The following POC1A variants were observed in gnomAD, a reference collection of about 807,000 sequenced individuals.
POC1A encodes POC1 centriolar protein homolog A.
A neutral mutation model predicts 47.8 loss-of-function variants in POC1A; 34 were observed. The observed-to-expected ratio is 0.71, with a 90% CI of 0.54 to 0.95. The LOEUF is 0.95. POC1A is among the 40% of genes least tolerant of loss of function. The pLI is 0.00. For synonymous variants in POC1A, 177 were observed against 207.6 expected (o/e 0.85, Z 1.27); for missense variants, 466 against 528.3 (o/e 0.88, Z 1.16).
chr3:52,105,515 C>T (rs2107013951), intron 9 of POC1A, among the ~76,000 whole-genome samples: 1 of 152,322 alleles, frequency 6.6e-6, no homozygotes, highest in Middle Eastern at 3.4e-3. Flanking sequence ...CTCACGTGGA[C>T]TCAGCCTCAC....
In POC1A at chr3:52,132,875, T is replaced by A. The variant is rs1355154530; in HGVS notation, c.813+5294A>T. Reference sequence around the variant, plus strand: ...GCCTGGCCAACATGGTGAAACCCTGTCTCTACTAAAAACGCAAAAAATTAG... The same window carrying A: ...GCCTGGCCAACATGGTGAAACCCTGACTCTACTAAAAACGCAAAAAATTAG... On this transcript the variant is annotated intron_variant, in intron 7 of 10. Coordinates refer to ENST00000296484, the MANE Select transcript of POC1A (RefSeq NM_015426.5). Among the ~76,000 whole-genome samples, 3 of 151,886 alleles carry A rather than the reference T, an allele frequency of 2.0e-5. No individual in the cohort carries two copies. The South Asian group carries it at 6.2e-4, about 32-fold the overall frequency.
chr3:52,124,466 T>C (rs941692043), intron 8 of POC1A, among the ~76,000 whole-genome samples: 1 of 152,214 alleles, frequency 6.6e-6, no homozygotes, highest in Non-Finnish European at 1.5e-5. Flanking sequence ...CTCTTCACAA[T>C]GTCCTCTCTC....
rs1429388445 is a variant in POC1A at position 52,149,378 on chromosome 3, G to C, written c.287C>G (p.Ser96Cys). Residue 96 changes from serine to cysteine, a missense_variant, in exon 4 of 11, where the codon TCC becomes TGC. Transcript: ENST00000296484. The part of the protein sequence containing the change: ...RIWVPNVKGE[S>C]TVFRAHTATV... ...GGCTGTGTGTGCACGAAACACAGTG[G>C]ACTCACCTTTGCTACAAGGACAGGC... is the stretch of plus-strand genomic sequence containing the variant. 1 of 1,613,828 alleles carries C rather than the reference G, an allele frequency of 6.2e-7. No homozygotes were observed. Among genetic ancestry groups the C allele is most frequent in the Non-Finnish European group, 8.5e-7 (1 of 1,179,916 alleles).
At position 52,105,817 on chromosome 3, in the gene POC1A, C is replaced by T. The variant is rs376161229; in HGVS notation, c.982-9105G>A. On this transcript the variant is annotated intron_variant, in intron 9 of 10. Transcript: ENST00000296484. Reference sequence around the variant, plus strand: ...GGGTGGGGTTTGGTCCCACCTCTGGCTTTCATCTAGGGGGTATGAACATGC... The same window carrying T: ...GGGTGGGGTTTGGTCCCACCTCTGGTTTTCATCTAGGGGGTATGAACATGC... 1.8e-4 allele frequency among the ~76,000 whole-genome samples: 27 copies of T among 152,344 alleles called. 1 individual carries two copies. In the South Asian group the frequency reaches 5.2e-3, roughly 29 times the overall value.
At chr3:52,142,273 G>T (rs980667097) in intron 6 of POC1A, among the ~76,000 whole-genome samples, 5 of 152,336 alleles carry the variant, frequency 3.3e-5, no homozygotes, top group African/African-American at 1.2e-4. Context: ...GTCTTAACGT[G>T]GGCTCAGAGC....
chr3:52,107,728 T>C (rs1703238198), intron 9 of POC1A, among the ~76,000 whole-genome samples: 4 of 152,228 alleles, frequency 2.6e-5, no homozygotes, highest in Admixed American at 2.6e-4. Flanking sequence ...TTAAACTGCT[T>C]TGAACTAATT....
chr3:52,136,216 T>C (rs541623517), intron 7 of POC1A, among the ~76,000 whole-genome samples: 1 of 152,228 alleles, frequency 6.6e-6, no homozygotes, highest in African/African-American at 2.4e-5. Context: ...CCTAAGTTCC[T>C]GTATTTGATA....
In POC1A at chr3:52,154,392, A is replaced by C; in HGVS notation, c.-20T>G. The C allele has an allele frequency of 6.8e-7, 1 of 1,467,434 alleles. No homozygotes were observed. The highest frequency in any genetic ancestry group is 9.0e-7 in the Non-Finnish European group (1 of 1,115,954). 90.9% of individuals were successfully genotyped at this position (1,467,434 alleles called of 1,614,324 possible). ...AGCCATGGCGGGGCTGGCGGCGCCGAAGGCAGCTGCGGTGGCCGTTGCGGC... is the reference window on the plus strand; with the variant it reads ...AGCCATGGCGGGGCTGGCGGCGCCGCAGGCAGCTGCGGTGGCCGTTGCGGC... On this transcript the variant is annotated 5_prime_UTR_variant, in exon 1 of 11. Coordinates refer to ENST00000296484, the MANE Select transcript of POC1A (RefSeq NM_015426.5).
At chr3:52,150,571 A>G (rs541453197) in intron 2 of POC1A, among the ~76,000 whole-genome samples, 1 of 152,274 alleles carries the variant, frequency 6.6e-6, no homozygotes, top group South Asian at 2.1e-4. Context: ...CTGCAGCATA[A>G]GAGCAGTGGG....
intron 10 of POC1A, among the ~76,000 whole-genome samples, chr3:52,094,963 A>G (rs1188345376): frequency 2.0e-5 from 3 of 152,232 alleles, no homozygotes; most frequent in East Asian, 3.8e-4. Flanking sequence ...TGAACACATA[A>G]CAAAACCTTC....
chr3:52,112,722 C>A (rs1315847779), intron 9 of POC1A, among the ~76,000 whole-genome samples: 1 of 152,178 alleles, frequency 6.6e-6, no homozygotes, highest in Non-Finnish European at 1.5e-5. Flanking sequence ...TGCAAAGCAG[C>A]AGACTACAGT....
chr3:52,097,080 G>A (rs1182995151), intron 9 of POC1A, among the ~76,000 whole-genome samples: 4 of 152,260 alleles, frequency 2.6e-5, no homozygotes, highest in African/African-American at 4.8e-5. Flanking sequence ...AGGCATCCAG[G>A]TGAGTCCAGA....
At chr3:52,150,990 C>A (rs745386232) in intron 2 of POC1A, 26 bp downstream of exon 2, 1 of 1,612,302 alleles carries the variant, frequency 6.2e-7, no homozygotes, top group Non-Finnish European at 8.5e-7. Context: ...CATAACCTAG[C>A]ACCTAGACAG....
At chr3:52,123,286 C>A (rs1703863484) in intron 8 of POC1A, among the ~76,000 whole-genome samples, 1 of 152,238 alleles carries the variant, frequency 6.6e-6, no homozygotes, top group African/African-American at 2.4e-5. Flanking sequence ...AGGGAGGCAC[C>A]TGGCTGGGGA....
chr3:52,111,335 C>T (rs998810234), intron 9 of POC1A, among the ~76,000 whole-genome samples: 1 of 152,182 alleles, frequency 6.6e-6, no homozygotes, highest in Non-Finnish European at 1.5e-5. Flanking sequence ...GCTCTTGCTA[C>T]CTGGAGGCAC....
At chr3:52,136,925 T>G (rs1704492905) in intron 7 of POC1A, among the ~76,000 whole-genome samples, 1 of 152,250 alleles carries the variant, frequency 6.6e-6, no homozygotes, top group African/African-American at 2.4e-5. Context: ...AAACTGTTTC[T>G]GAGTTTTGTT....
Position 52,125,153 on chromosome 3 carries a change from C to A in POC1A, c.842G>T (p.Arg281Ile), listed in dbSNP as rs1232789387. 2.5e-6 allele frequency: 4 copies of A among 1,614,104 alleles called. No homozygotes were observed. In the East Asian group the frequency reaches 6.7e-5, roughly 27 times the overall value. Residue 281 changes from arginine to isoleucine, a missense_variant, in exon 8 of 11, where the codon AGA becomes ATA. Coordinates refer to ENST00000296484, the MANE Select transcript of POC1A (RefSeq NM_015426.5). ...QGPATTVAFSRTGEYFASGGS... is the reference protein window; with the variant it reads ...QGPATTVAFSITGEYFASGGS... ...TCCAGAAGCAAAATACTCCCCCGTT[C>A]TTGAAAAGGCAACAGTGGTGGCTGG...
At chr3:52,123,479 A>T (rs1036433157) in intron 8 of POC1A, among the ~76,000 whole-genome samples, 1 of 152,170 alleles carries the variant, frequency 6.6e-6, no homozygotes, top group Non-Finnish European at 1.5e-5. Context: ...CCTGGACACC[A>T]TCCCTGTCTG....
At chr3:52,108,114 A>G (rs900789287) in intron 9 of POC1A, among the ~76,000 whole-genome samples, 1 of 152,236 alleles carries the variant, frequency 6.6e-6, no homozygotes, top group Non-Finnish European at 1.5e-5. Context: ...GGACACCACC[A>G]GAAAAGTGAT....
Sources: allele counts gnomAD v4.1 joint callset (sites outside exome capture counted in the v4.1 genomes callset), GRCh38; gene constraint gnomAD v4.1.1; transcripts MANE v1.5; gene names NCBI Gene and HGNC (gene_info 2026-07-23, HGNC 2026-07-21).